Variants in EEFSEC observed in about 807,000 individuals in gnomAD.
EEFSEC encodes selenocysteine-specific elongation factor.
In EEFSEC, 43 loss-of-function variants were observed where a neutral mutation model predicts 42.1. That is an observed-to-expected ratio of 1.02 (90% CI 0.80 to 1.32). EEFSEC has a LOEUF of 1.32. Among genes scored for constraint, EEFSEC ranks in the 40% most tolerant of loss-of-function variants. The pLI is 0.00. For synonymous variants in EEFSEC, 354 were observed against 339.1 expected (o/e 1.04, Z -0.48); for missense variants, 745 against 803.6 (o/e 0.93, Z 0.88).
intron 1 of EEFSEC, among the ~76,000 whole-genome samples, chr3:128,212,619 C>T (rs372904561): frequency 2.6e-5 from 4 of 152,240 alleles, no homozygotes; most frequent in African/African-American, 7.2e-5. Context: ...AGCCCTATGT[C>T]GACATGGAGA....
At chr3:128,159,918 G>A (rs531559916) in intron 1 of EEFSEC, among the ~76,000 whole-genome samples, 1 of 152,318 alleles carries the variant, frequency 6.6e-6, no homozygotes, top group South Asian at 2.1e-4. Context: ...TTTACTTGTT[G>A]AGTATCTGTC....
chr3:128,307,384 C>A lies in EEFSEC; in HGVS notation c.787-33849C>A, dbSNP rs1236905698. On this transcript the variant is annotated intron_variant, in intron 4 of 6. Coordinates refer to ENST00000254730, the MANE Select transcript of EEFSEC (RefSeq NM_021937.5). Reference sequence around the variant, plus strand: ...GGGGTGGAGATTAGCAGGGGCTTTTCTTGTACCCTCTCCCTGTGGTGATTA... The same window carrying A: ...GGGGTGGAGATTAGCAGGGGCTTTTATTGTACCCTCTCCCTGTGGTGATTA... 3.3e-5 allele frequency among the ~76,000 whole-genome samples: 5 copies of A among 152,300 alleles called. No individual in the cohort carries two copies. In the East Asian group the frequency reaches 9.6e-4, roughly 29 times the overall value.
chr3:128,387,051 CA>C (rs2067847934), intron 6 of EEFSEC, among the ~76,000 whole-genome samples: 1 of 152,242 alleles, frequency 6.6e-6, no homozygotes, highest in Non-Finnish European at 1.5e-5. Context: ...CCACAGGGCC[CA>C]GGTGAGGAGG....
At chr3:128,226,366 T>C (rs1284556245) in intron 1 of EEFSEC, among the ~76,000 whole-genome samples, 1 of 152,236 alleles carries the variant, frequency 6.6e-6, no homozygotes, top group Non-Finnish European at 1.5e-5. Context: ...ACAGCTGTAC[T>C]GAGTTGTTGC....
At position 128,201,976 on chromosome 3, in the gene EEFSEC, TG is replaced by T. The variant is rs2065648276; in HGVS notation, c.317-44859del. On this transcript the variant is annotated intron_variant, in intron 1 of 6. Coordinates refer to ENST00000254730, the MANE Select transcript of EEFSEC (RefSeq NM_021937.5). Reference sequence around the variant, plus strand: ...TGAAAAGTTTTTTAGATTGTTTTGTTGCCTTTGTGAAAAATCACATAACCAT... The same window carrying T: ...TGAAAAGTTTTTTAGATTGTTTTGTTCCTTTGTGAAAAATCACATAACCAT... Among the ~76,000 whole-genome samples the T allele has an allele frequency of 3.3e-5, 5 of 152,360 alleles. No individual in the cohort carries two copies. The South Asian group carries it at 1.0e-3, about 32-fold the overall frequency.
chr3:128,387,694 G>A (rs1463671985), intron 6 of EEFSEC, among the ~76,000 whole-genome samples: 9 of 152,154 alleles, frequency 5.9e-5, no homozygotes, highest in South Asian at 2.1e-4. Flanking sequence ...AGGCTGGGCT[G>A]GCCCCTGTGG....
At chr3:128,386,220 G>C (rs1378376612) in intron 6 of EEFSEC, among the ~76,000 whole-genome samples, 2 of 152,244 alleles carry the variant, frequency 1.3e-5, no homozygotes, top group African/African-American at 2.4e-5. Context: ...GGTGAAGTAG[G>C]GTTCAGGTGG....
At chr3:128,324,646 A>G (rs919633425) in intron 4 of EEFSEC, among the ~76,000 whole-genome samples, 2 of 152,210 alleles carry the variant, frequency 1.3e-5, no homozygotes, top group African/African-American at 4.8e-5. Flanking sequence ...CCTGCACGAC[A>G]GAAGAGTGCA....
At chr3:128,213,566 A>G (rs138198759) in intron 1 of EEFSEC, among the ~76,000 whole-genome samples, 1 of 151,714 alleles carries the variant, frequency 6.6e-6, no homozygotes, top group Non-Finnish European at 1.5e-5. Flanking sequence ...ACACAGTGCC[A>G]GGGCCCTTGG....
intron 6 of EEFSEC, among the ~76,000 whole-genome samples, chr3:128,371,647 G>A (rs2067654862): frequency 6.6e-6 from 1 of 152,198 alleles, no homozygotes; most frequent in Admixed American, 6.5e-5. Flanking sequence ...ATGGGGAGGA[G>A]GGCAGAGGGG....
chr3:128,231,222 C>T (rs1366565548), intron 1 of EEFSEC, among the ~76,000 whole-genome samples: 1 of 152,192 alleles, frequency 6.6e-6, no homozygotes, highest in Non-Finnish European at 1.5e-5. Flanking sequence ...CCAGCCCAAT[C>T]GAGACCTTGA....
At chr3:128,340,446 A>G (rs972565994) in intron 4 of EEFSEC, among the ~76,000 whole-genome samples, 5 of 151,588 alleles carry the variant, frequency 3.3e-5, no homozygotes, top group South Asian at 2.1e-4. Context: ...TTGAATTAAT[A>G]TATATAATTT....
intron 1 of EEFSEC, among the ~76,000 whole-genome samples, chr3:128,163,135 C>G (rs1341277508): frequency 6.6e-6 from 1 of 152,136 alleles, no homozygotes; most frequent in Non-Finnish European, 1.5e-5. Context: ...TCTGTGTCCC[C>G]TTTACCAGTA....
At chr3:128,350,227 C>T (rs903410413) in intron 5 of EEFSEC, among the ~76,000 whole-genome samples, 3 of 152,246 alleles carry the variant, frequency 2.0e-5, no homozygotes, top group Admixed American at 6.5e-5. Context: ...CACCAGGGAG[C>T]GTGCTGGCCT....
chr3:128,216,240 A>G (rs1172754119), intron 1 of EEFSEC, among the ~76,000 whole-genome samples: 1 of 152,250 alleles, frequency 6.6e-6, no homozygotes, highest in Non-Finnish European at 1.5e-5. Context: ...AGAAAAATAA[A>G]CAAATTGAGA....
chr3:128,406,813 A>C (rs2068119096), intron 6 of EEFSEC, among the ~76,000 whole-genome samples: 1 of 151,844 alleles, frequency 6.6e-6, no homozygotes, highest in Non-Finnish European at 1.5e-5. Flanking sequence ...ACCCTGTCAC[A>C]CACACACACA....
chr3:128,406,336 G>GGGT (rs1482264910), intron 6 of EEFSEC, among the ~76,000 whole-genome samples: 1 of 152,206 alleles, frequency 6.6e-6, no homozygotes, highest in African/African-American at 2.4e-5. Flanking sequence ...GAGGGTAGAA[G>GGGT]GGTGGTTGTG....
chr3:128,182,321 A>G (rs1181640389), intron 1 of EEFSEC, among the ~76,000 whole-genome samples: 1 of 152,246 alleles, frequency 6.6e-6, no homozygotes, highest in Non-Finnish European at 1.5e-5. Context: ...CCAAAAAAAA[A>G]AAAAAAATTC....
rs565235222 is a variant in EEFSEC at position 128,296,331 on chromosome 3, G to A, written c.786+31550G>A. On this transcript the variant is annotated intron_variant, in intron 4 of 6. Coordinates refer to ENST00000254730, the MANE Select transcript of EEFSEC (RefSeq NM_021937.5). ...AGGAGGAAGGATGGTGTCTGAGCTG[G>A]CCACCCCATGTAGCTAACACAGTCC... 3.3e-5 allele frequency among the ~76,000 whole-genome samples: 5 copies of A among 152,226 alleles called. No homozygotes were observed. In the South Asian group the frequency reaches 1.0e-3, roughly 32 times the overall value.
Sources: allele counts gnomAD v4.1 joint callset (sites outside exome capture counted in the v4.1 genomes callset), GRCh38; gene constraint gnomAD v4.1.1; transcripts MANE v1.5; gene names NCBI Gene and HGNC (gene_info 2026-07-23, HGNC 2026-07-21).